Variants in CACHD1 observed in about 807,000 individuals in gnomAD.
CACHD1 encodes VWFA and cache domain-containing protein 1.
Under a neutral mutation model 138.7 loss-of-function variants are expected in CACHD1, and 71 were observed. The observed-to-expected ratio is 0.51, with a 90% confidence interval of 0.42 to 0.62. The LOEUF is 0.62. Ranked by LOEUF, CACHD1 falls within the 20% of genes least tolerant of loss-of-function variation. The pLI, the probability that CACHD1 is intolerant of heterozygous loss-of-function variation, is 0.00. For synonymous variants in CACHD1, 578 were observed against 591.5 expected, an observed-to-expected ratio of 0.98 and a Z score of 0.33; for missense variants, 1,389 against 1,625.3, an observed-to-expected ratio of 0.85 and a Z score of 2.50.
At chr1:64,675,811 GC>G in intron 20 of CACHD1, 85 bp from the exon 21 acceptor site, 1 of 876,510 alleles carries the variant, frequency 1.1e-6, no homozygotes. Context: ...CTAGCTCAGA[GC>G]TTCATTATTT....
rs549099771 is a variant in CACHD1, at chr1:64,669,974, C to T, written c.2388-1590C>T. Reference sequence around the variant, plus strand: ...TCTAATCTATCTTATGTGTTTTTGCCCTTCTCAGCCTAATCTTCTATTTAT... The same window carrying T: ...TCTAATCTATCTTATGTGTTTTTGCTCTTCTCAGCCTAATCTTCTATTTAT... On this transcript the variant is annotated intron_variant, in intron 16 of 26. Transcript: ENST00000651257. Among the ~76,000 whole-genome samples the T allele has an allele frequency of 1.8e-4, 27 of 152,200 alleles. No homozygotes were observed. The South Asian group carries it at 5.4e-3, about 30-fold the overall frequency.
chr1:64,543,899 A>G (rs936634428), intron 1 of CACHD1, among the ~76,000 whole-genome samples: 1 of 140,354 alleles, frequency 7.1e-6, no homozygotes, highest in Non-Finnish European at 1.5e-5. Flanking sequence ...TGGTAGAAAC[A>G]GGGCTTCGCC....
intron 7 of CACHD1, among the ~76,000 whole-genome samples, chr1:64,640,321 G>A (rs931548949): frequency 3.9e-5 from 6 of 152,172 alleles, no homozygotes; most frequent in Non-Finnish European, 7.3e-5. Flanking sequence ...GAAGAAGTAA[G>A]TGTATAACAT....
chr1:64,553,481 G>A (rs1646774911), intron 2 of CACHD1, among the ~76,000 whole-genome samples: 1 of 152,176 alleles, frequency 6.6e-6, no homozygotes. Flanking sequence ...ACTCCATGAG[G>A]TAGGTGGCAG....
At chr1:64,648,602 G>A (rs866079599) in intron 9 of CACHD1, among the ~76,000 whole-genome samples, 17 of 151,888 alleles carry the variant, frequency 1.1e-4, no homozygotes, top group Non-Finnish European at 2.1e-4. Context: ...ACACATGACC[G>A]GCATACCATT....
At chr1:64,666,695 A>G (rs1175348964) in intron 16 of CACHD1, among the ~76,000 whole-genome samples, 8 of 151,940 alleles carry the variant, frequency 5.3e-5, no homozygotes, top group Admixed American at 5.2e-4. Flanking sequence ...TGAGCAACAT[A>G]GCGAGACCCT....
chr1:64,498,852 G>T (rs147284050), intron 1 of CACHD1, among the ~76,000 whole-genome samples: 1 of 152,348 alleles, frequency 6.6e-6, no homozygotes, highest in Non-Finnish European at 1.5e-5. Context: ...TGACCAGAAA[G>T]AAAGTGCAAT....
chr1:64,566,479 T>TCCCCCCCCCC lies in CACHD1; in HGVS notation c.262-15675_262-15666dup, dbSNP rs34760107. On this transcript the variant is annotated intron_variant, in intron 2 of 26. Coordinates refer to ENST00000651257, the MANE Select transcript of CACHD1 (RefSeq NM_020925.4). ...CAGTGCTCCACTGTATGTTTTCAAT[T>TCCCCCCCCCC]CCCCCCCCCCCACAAGGTATGGGGG... is the stretch of plus-strand genomic sequence containing the variant. Among the ~76,000 whole-genome samples the TCCCCCCCCCC allele has an allele frequency of 1.7e-4, 21 of 120,746 alleles. 10 individuals carry two copies. The highest frequency in any genetic ancestry group is 1.1e-3 in the South Asian group (4 of 3,480). The allele number at this position is 120,746 out of a possible 152,430, so 79.2% of individuals were successfully genotyped here.
At chr1:64,591,003 A>C (rs1305542328) in intron 3 of CACHD1, among the ~76,000 whole-genome samples, 2 of 152,208 alleles carry the variant, frequency 1.3e-5, no homozygotes, top group African/African-American at 4.8e-5. Flanking sequence ...AATTTTCCTC[A>C]AACTCCTTAG....
chr1:64,593,191 A>AT (rs1414595208), intron 3 of CACHD1, among the ~76,000 whole-genome samples: 2 of 152,240 alleles, frequency 1.3e-5, no homozygotes, highest in East Asian at 3.9e-4. Flanking sequence ...TCCCACTAAT[A>AT]TTTTTACGCC....
chr1:64,648,174 C>A, intron 9 of CACHD1, 140 bp downstream of exon 9: 1 of 658,102 alleles, frequency 1.5e-6, no homozygotes, highest in Non-Finnish European at 2.6e-6. Context: ...GCAGAAATCC[C>A]CAGCCCAGGT....
chr1:64,522,725 T>TAA (rs202018429), intron 1 of CACHD1, among the ~76,000 whole-genome samples: 1 of 151,080 alleles, frequency 6.6e-6, no homozygotes, highest in Non-Finnish European at 1.5e-5. Flanking sequence ...AAAAGAAACT[T>TAA]AAAAAAAAAG....
At chr1:64,550,524 A>T in intron 1 of CACHD1, 70 bp from the exon 2 acceptor site, 2 of 1,079,848 alleles carry the variant, frequency 1.9e-6, no homozygotes, top group Non-Finnish European at 2.8e-6. Flanking sequence ...TAAACAAATT[A>T]TTCACATACA....
Position 64,675,904 on chromosome 1 carries a change from C to A in CACHD1, c.2896C>A (p.Gln966Lys). The change falls in exon 21 of 27, where the codon CAA becomes AAA. Residue 966 changes from glutamine to lysine, a missense_variant. Physicochemically the swap from Gln to Lys is moderately conservative, Grantham distance 53. Transcript: ENST00000651257. Reference sequence around the variant, plus strand: ...TTTCTTTTTGCTTTTCAGAATGGAACAAAATGAATGTGAATGTCCTTGTGA... The same window carrying A: ...TTTCTTTTTGCTTTTCAGAATGGAAAAAAATGAATGTGAATGTCCTTGTGA... ...RLCLNCHRME[Q>K]NECECPCECP... 1 of 1,540,096 alleles carries A rather than the reference C, an allele frequency of 6.5e-7. No individual in the cohort carries two copies. The highest frequency in any genetic ancestry group is 8.8e-7 in the Non-Finnish European group (1 of 1,142,656).
intron 1 of CACHD1, among the ~76,000 whole-genome samples, chr1:64,510,137 G>A (rs1204634806): frequency 6.6e-6 from 1 of 152,146 alleles, no homozygotes; most frequent in African/African-American, 2.4e-5. Context: ...TCTCAGTGCT[G>A]GTACGTGACC....
At chr1:64,588,760 G>C (rs1570394845) in intron 3 of CACHD1, among the ~76,000 whole-genome samples, 1 of 152,072 alleles carries the variant, frequency 6.6e-6, no homozygotes, top group African/African-American at 2.4e-5. Context: ...GTTACTACCT[G>C]TTGGTATTCT....
In CACHD1 at chr1:64,681,230, A is replaced by G. The variant is rs113639936; in HGVS notation, c.3407-28A>G. 1.2e-3 allele frequency: 1,826 copies of G among 1,575,502 alleles called. 19 individuals carry two copies. In the African/African-American group the frequency reaches 0.021, roughly 18 times the overall value. On this transcript the variant is annotated intron_variant, in intron 24 of 26. Coordinates refer to ENST00000651257, the MANE Select transcript of CACHD1 (RefSeq NM_020925.4). ...GGTGATTTTGTTTGATTAAATAGTCATGTTTCTCTCTTTTTAATGATGGGT... is the reference window on the plus strand; with the variant it reads ...GGTGATTTTGTTTGATTAAATAGTCGTGTTTCTCTCTTTTTAATGATGGGT...
At chr1:64,677,198 T>C (rs1484756000) in intron 22 of CACHD1, among the ~76,000 whole-genome samples, 187 bp downstream of exon 22, 1 of 152,152 alleles carries the variant, frequency 6.6e-6, no homozygotes, top group Non-Finnish European at 1.5e-5. Flanking sequence ...CATATGTTAG[T>C]AGCCTCATCT....
intron 7 of CACHD1, among the ~76,000 whole-genome samples, chr1:64,636,315 C>T (rs1438640683): frequency 6.6e-6 from 1 of 152,144 alleles, no homozygotes; most frequent in African/African-American, 2.4e-5. Context: ...AATGATGGTA[C>T]ATGGTGTGTT....
Sources: allele counts gnomAD v4.1 joint callset (sites outside exome capture counted in the v4.1 genomes callset), GRCh38; gene constraint gnomAD v4.1.1; transcripts MANE v1.5; gene names NCBI Gene and HGNC (gene_info 2026-07-23, HGNC 2026-07-21).